MRC1: variants seen among roughly 807,000 people sequenced by gnomAD.
MRC1 encodes the protein mannose receptor C-type 1.
MRC1 carries 62 observed loss-of-function variants against 102.9 expected under a neutral mutation model. That is an observed-to-expected ratio of 0.60 (90% confidence interval 0.49 to 0.74). The LOEUF is 0.74. MRC1 is among the 30% of genes least tolerant of loss of function. The probability of loss-of-function intolerance (pLI) is 0.00; values close to 1 mark genes in which losing one functional copy is unlikely to be tolerated. For synonymous variants in MRC1, 457 were observed against 298.4 expected, an observed-to-expected ratio of 1.53 and a Z score of -5.48; for missense variants, 1,237 against 862.8, an observed-to-expected ratio of 1.43 and a Z score of -5.43.
At chr10:17,898,568 G>A (rs1478419891) in intron 24 of MRC1, among the ~76,000 whole-genome samples, 2 of 152,196 alleles carry the variant, frequency 1.3e-5, no homozygotes, top group African/African-American at 4.8e-5. Flanking sequence ...TTCGCTTATT[G>A]CTTCCAAGGT....
Position 17,877,902 on chromosome 10 carries a change from A to C in MRC1, c.2553A>C (p.Val851=), listed in dbSNP as rs967032127. 1 of 872,270 alleles carries C rather than the reference A, an allele frequency of 1.1e-6. No homozygotes were observed. Among genetic ancestry groups the C allele is most frequent in the African/African-American group, 1.6e-5 (1 of 61,436 alleles). 54.0% of individuals were successfully genotyped at this position (872,270 alleles called of 1,614,324 possible). ...ATACGTAAACTTCCATGTTTCAGGT[A>C]AACAGAAATGATGCACAGTCTGCAT... is the stretch of plus-strand genomic sequence containing the variant. ...ESEKKFLWKY[V]NRNDAQSAYF... Residue 851 remains valine, a splice_region_variant and synonymous_variant, in exon 18 of 30, where the codon GTA becomes GTC. Transcript: ENST00000569591.
intron 22 of MRC1, among the ~76,000 whole-genome samples, chr10:17,893,732 T>C (rs2130708704): frequency 2.0e-5 from 3 of 152,340 alleles, no homozygotes; most frequent in Middle Eastern, 3.4e-3. Context: ...ATAAATAAGA[T>C]GTGAAACTTT....
At chr10:17,897,844 G>C (rs1232904382) in intron 23 of MRC1, among the ~76,000 whole-genome samples, 190 bp from the exon 24 acceptor site, 2 of 152,064 alleles carry the variant, frequency 1.3e-5, no homozygotes, top group Admixed American at 6.6e-5. Context: ...AATTTAATTT[G>C]ATCAGGGATA....
chr10:17,823,084 A>G lies in MRC1; in HGVS notation c.72A>G (p.Gln24=). ...PGAVLLLDTR[Q]FLIYNEDHKR... The stretch of plus-strand genomic sequence containing the variant: ...TTTCTTTTTAAACAGACACCAGGCA[A>G]TTTTTAATCTATAATGAAGATCACA... Residue 24 remains glutamine, a synonymous_variant, in exon 2 of 30, where the codon CAA becomes CAG. Transcript: ENST00000569591. 1.3e-6 allele frequency: 1 copy of G among 780,834 alleles called. No individual in the cohort carries two copies. The highest frequency in any genetic ancestry group is 1.3e-5 in the South Asian group (1 of 74,612). 48.4% of individuals were successfully genotyped at this position (780,834 alleles called of 1,614,324 possible). A position where few individuals can be genotyped will look rare whatever the true frequency, so the allele number is the denominator to read the frequency against.
intron 1 of MRC1, among the ~76,000 whole-genome samples, chr10:17,817,101 A>G (rs1338090953): frequency 6.6e-6 from 1 of 152,084 alleles, no homozygotes; most frequent in Non-Finnish European, 1.5e-5. Flanking sequence ...TACAAAAATT[A>G]GCTGGGTGTG....
At chr10:17,862,915 C>G (rs1833205650) in intron 10 of MRC1, 1 of 152,186 alleles carries the variant, frequency 6.6e-6, no homozygotes, top group South Asian at 2.1e-4. Flanking sequence ...TTATTGTTCC[C>G]AGATTAATGC....
At chr10:17,890,780 C>G (rs1278542920) in intron 22 of MRC1, among the ~76,000 whole-genome samples, 4 of 152,148 alleles carry the variant, frequency 2.6e-5, no homozygotes, top group African/African-American at 7.2e-5. Context: ...AACCCGTGGG[C>G]CACAGATGGG....
At chr10:17,909,204 C>T (rs1833936343) in intron 28 of MRC1, 102 bp from the exon 29 acceptor site, 1 of 727,658 alleles carries the variant, frequency 1.4e-6, no homozygotes, top group Non-Finnish European at 2.6e-6. Context: ...AATCAACACA[C>T]ATCAAATGTG....
At chr10:17,871,599 C>T (rs1489986959) in intron 14 of MRC1, among the ~76,000 whole-genome samples, 1 of 152,148 alleles carries the variant, frequency 6.6e-6, no homozygotes, top group African/African-American at 2.4e-5. Context: ...GAGAAAACTT[C>T]CAATAACGCA....
chr10:17,903,997 T>G (rs1195476774), intron 26 of MRC1, among the ~76,000 whole-genome samples: 2 of 152,096 alleles, frequency 1.3e-5, no homozygotes, highest in African/African-American at 4.8e-5. Flanking sequence ...CATATAAACA[T>G]TTAATTTTAA....
intron 23 of MRC1, 84 bp downstream of exon 23, chr10:17,894,396 T>TTCTTTC (rs1202195004): frequency 5.9e-6 from 2 of 339,380 alleles, no homozygotes; most frequent in African/African-American, 5.3e-5. Flanking sequence ...CTTTCTTTCT[T>TTCTTTC]TTTTTTTTTT....
intron 8 of MRC1, among the ~76,000 whole-genome samples, chr10:17,853,988 GAC>G (rs1833037667): frequency 1.3e-5 from 2 of 152,022 alleles, no homozygotes; most frequent in Non-Finnish European, 2.9e-5. Flanking sequence ...TGTTTTTTAA[GAC>G]AGAGTCTTGC....
intron 2 of MRC1, among the ~76,000 whole-genome samples, chr10:17,824,978 T>C (rs1402014986): frequency 1.3e-5 from 2 of 152,064 alleles, no homozygotes; most frequent in Non-Finnish European, 2.9e-5. Context: ...AGATTCTTAA[T>C]ATACATATTG....
intron 4 of MRC1, among the ~76,000 whole-genome samples, chr10:17,835,288 TC>T (rs1259037198): frequency 2.0e-5 from 3 of 152,244 alleles, no homozygotes; most frequent in Admixed American, 1.3e-4. Flanking sequence ...ATGTCCTGCT[TC>T]CTTGACAACA....
intron 2 of MRC1, 125 bp from the exon 3 acceptor site, chr10:17,827,414 ATCC>A: frequency 5.0e-6 from 2 of 398,348 alleles, no homozygotes; most frequent in Non-Finnish European, 4.8e-6. Context: ...AAAAAAAGAA[ATCC>A]CTCTGTGGGT....
At chr10:17,830,979 C>T (rs896497937) in intron 3 of MRC1, among the ~76,000 whole-genome samples, 6 of 150,868 alleles carry the variant, frequency 4.0e-5, no homozygotes, top group Admixed American at 3.9e-4. Flanking sequence ...ACCTCTGCCT[C>T]CCGGGTTCAA....
chr10:17,830,556 G>A (rs1304146019), intron 3 of MRC1, among the ~76,000 whole-genome samples: 2 of 151,288 alleles, frequency 1.3e-5, no homozygotes, highest in African/African-American at 4.9e-5. Flanking sequence ...TTATTGTAAT[G>A]CTTTCCTTCC....
At chr10:17,863,755 G>T in intron 11 of MRC1, 73 bp downstream of exon 11, 5 of 738,310 alleles carry the variant, frequency 6.8e-6, no homozygotes, top group Non-Finnish European at 1.3e-5. Context: ...TATTCCTCCG[G>T]GTATCTCTGC....
intron 4 of MRC1, among the ~76,000 whole-genome samples, chr10:17,839,780 A>T (rs1838722338): frequency 6.6e-6 from 1 of 152,052 alleles, no homozygotes; most frequent in Non-Finnish European, 1.5e-5. Context: ...TAGAGGTGGC[A>T]GGGTATGGTG....
Sources: allele counts gnomAD v4.1 joint callset (sites outside exome capture counted in the v4.1 genomes callset), GRCh38; gene constraint gnomAD v4.1.1; transcripts MANE v1.5; gene names NCBI Gene and HGNC (gene_info 2026-07-23, HGNC 2026-07-21).